ANKDD1B: variants seen among roughly 807,000 people sequenced by gnomAD.
ANKDD1B encodes the protein ankyrin repeat and death domain containing 1B.
In ANKDD1B, 57 loss-of-function variants were observed where a neutral mutation model predicts 59.7. That is an observed-to-expected ratio of 0.95 (90% confidence interval 0.77 to 1.19). The LOEUF (loss-of-function observed/expected upper bound fraction) is 1.19, where lower values mean the gene tolerates loss of function less well. ANKDD1B is among the 50% of genes most tolerant of loss of function. The probability of loss-of-function intolerance (pLI) is 0.00; values close to 1 mark genes in which losing one functional copy is unlikely to be tolerated. For missense variants in ANKDD1B, 602 were observed against 641.9 expected (o/e 0.94, Z 0.67); for synonymous variants, 216 against 239.5 (o/e 0.90, Z 0.91).
intron 7 of ANKDD1B, among the ~76,000 whole-genome samples, chr5:75,642,372 G>C (rs1054932131): frequency 6.6e-6 from 1 of 150,856 alleles, no homozygotes; most frequent in Non-Finnish European, 1.5e-5. Context: ...GACAGTGGGC[G>C]CAGGCCAGTG....
chr5:75,667,824 T>C (rs1775351891), intron 12 of ANKDD1B, among the ~76,000 whole-genome samples: 1 of 152,162 alleles, frequency 6.6e-6, no homozygotes, highest in African/African-American at 2.4e-5. Flanking sequence ...CTATTTGTAT[T>C]AGGGATTGCT....
chr5:75,659,047 A>G (rs1775047515), intron 9 of ANKDD1B, among the ~76,000 whole-genome samples: 1 of 133,780 alleles, frequency 7.5e-6, no homozygotes, highest in African/African-American at 3.0e-5. Context: ...AATAATTTTT[A>G]ATGGTTGCCT....
chr5:75,640,771 G>C (rs1774442766), intron 7 of ANKDD1B, among the ~76,000 whole-genome samples: 1 of 152,104 alleles, frequency 6.6e-6, no homozygotes, highest in Non-Finnish European at 1.5e-5. Flanking sequence ...TGGAAACACT[G>C]GTCCTACATT....
At chr5:75,616,982 T>TAATAAA in intron 2 of ANKDD1B, 75 bp downstream of exon 2, 1 of 641,086 alleles carries the variant, frequency 1.6e-6, no homozygotes, top group Non-Finnish European at 2.6e-6. Flanking sequence ...TCTGAAATAA[T>TAATAAA]AATAAAAATA....
intron 3 of ANKDD1B, among the ~76,000 whole-genome samples, chr5:75,624,535 A>G (rs935694049): frequency 2.4e-4 from 36 of 152,230 alleles, no homozygotes; most frequent in African/African-American, 8.4e-4. Flanking sequence ...TTTCAGTCTC[A>G]CAACTTTATG....
intron 7 of ANKDD1B, among the ~76,000 whole-genome samples, chr5:75,636,284 A>T (rs1581139932): frequency 6.6e-6 from 1 of 152,180 alleles, no homozygotes; most frequent in South Asian, 2.1e-4. Flanking sequence ...GTGATATATT[A>T]TCTGGGTCTT....
At chr5:75,641,876 C>T (rs532920776) in intron 7 of ANKDD1B, among the ~76,000 whole-genome samples, 3 of 152,242 alleles carry the variant, frequency 2.0e-5, no homozygotes, top group African/African-American at 7.2e-5. Context: ...AAGCTAGCTG[C>T]ATGCATTCAG....
chr5:75,637,265 A>AAAAAAAAAGAAAG (rs1774342040), intron 7 of ANKDD1B, among the ~76,000 whole-genome samples: 1 of 147,144 alleles, frequency 6.8e-6, no homozygotes, highest in African/African-American at 2.5e-5. Flanking sequence ...AAAAAAAAAA[A>AAAAAAAAAGAAAG]AAAAAAAAGA....
chr5:75,611,653 G>T lies in ANKDD1B; in HGVS notation c.19G>T (p.Ala7Ser). Residue 7 changes from alanine (A) to serine (S), a missense_variant, in exon 1 of 14, where the codon GCC (alanine) becomes TCC (serine). Ala to Ser is a moderately conservative substitution (Grantham distance 99). Coordinates refer to ENST00000601380, the MANE Select transcript of ANKDD1B (RefSeq NM_001276713.2). ...GGAGACTATGGACCCCGCCGGGCGC[G>T]CCCGGGGCCAAGGGGCCACGGCAGG... MDPAGRARGQGATAGGL... is the reference protein window; with the variant it reads MDPAGRSRGQGATAGGL... 8.1e-7 allele frequency: 1 copy of T among 1,231,414 alleles called. No individual in the cohort carries two copies. The highest frequency in any genetic ancestry group is 1.0e-6 in the Non-Finnish European group (1 of 987,812). 76.3% of individuals were successfully genotyped at this position (1,231,414 alleles called of 1,614,324 possible). A position where few individuals can be genotyped will look rare whatever the true frequency, so the allele number is the denominator to read the frequency against.
chr5:75,655,547 T>G (rs1774950569), intron 8 of ANKDD1B, among the ~76,000 whole-genome samples: 1 of 152,224 alleles, frequency 6.6e-6, no homozygotes, highest in Admixed American at 6.5e-5. Context: ...TAACACTTAC[T>G]TATCCTTCAT....
intron 3 of ANKDD1B, among the ~76,000 whole-genome samples, chr5:75,624,056 C>G (rs1245290539): frequency 6.6e-6 from 1 of 152,208 alleles, no homozygotes; most frequent in Non-Finnish European, 1.5e-5. Flanking sequence ...ATCTAACAAA[C>G]AGTTTCCAGA....
intron 12 of ANKDD1B, among the ~76,000 whole-genome samples, chr5:75,668,475 T>G (rs1005954076): frequency 1.3e-5 from 2 of 152,182 alleles, no homozygotes; most frequent in Admixed American, 6.6e-5. Context: ...TCTGTAAGTA[T>G]GCAGTTCCCT....
intron 5 of ANKDD1B, among the ~76,000 whole-genome samples, chr5:75,634,279 A>G (rs1372836043): frequency 6.6e-6 from 1 of 152,188 alleles, no homozygotes; most frequent in Non-Finnish European, 1.5e-5. Flanking sequence ...AATCAAACCT[A>G]AACATTTCTC....
In ANKDD1B at chr5:75,616,877, AAAG is replaced by A. The variant is rs1306761408; in HGVS notation, c.271_273del (p.Lys91del). 3 of 1,526,946 alleles carry A rather than the reference AAAG, an allele frequency of 2.0e-6. No individual in the cohort carries two copies. The highest frequency in any genetic ancestry group is 3.9e-5 in the Admixed American group (2 of 50,924). The allele number at this position is 1,526,946 out of a possible 1,614,324, so 94.6% of individuals were successfully genotyped here. A position where few individuals can be genotyped will look rare whatever the true frequency, so the allele number is the denominator to read the frequency against. ...TGGATCTTATGGAGAAGCTGTTTGA[AAAG>A]AAGGTTAACATTAATGTTGTGAACA... On this transcript the variant is annotated inframe_deletion, in exon 2 of 14. Transcript: ENST00000601380.
intron 7 of ANKDD1B, among the ~76,000 whole-genome samples, chr5:75,643,299 G>A: frequency 2.0e-5 from 1 of 49,010 alleles, no homozygotes; most frequent in Non-Finnish European, 3.1e-5. Flanking sequence ...AAATTACTCT[G>A]AGCTACGGGA....
chr5:75,668,630 G>A (rs1187473845), intron 12 of ANKDD1B, among the ~76,000 whole-genome samples: 1 of 152,182 alleles, frequency 6.6e-6, no homozygotes. Context: ...AAGTCCTGTT[G>A]GGAACCACAG....
rs1271265830 is a variant in ANKDD1B, at chr5:75,653,150, CAGT to C, written c.811_813del (p.Ser271del). On this transcript the variant is annotated inframe_deletion, in exon 8 of 14. Transcript: ENST00000601380. Reference sequence around the variant, plus strand: ...TCTATTGTCTCTTGCAGCTCAATATCAGTAGTTTGCAGATAGCAACCAGGAACG... The same window carrying C: ...TCTATTGTCTCTTGCAGCTCAATATCAGTTTGCAGATAGCAACCAGGAACG... 8 of 1,535,222 alleles carry C rather than the reference CAGT, an allele frequency of 5.2e-6. No homozygotes were observed. The South Asian group carries it at 9.5e-5, about 18-fold the overall frequency.
intron 5 of ANKDD1B, among the ~76,000 whole-genome samples, chr5:75,630,421 C>T (rs16872665): frequency 0.086 from 13,122 of 152,068 alleles, 998 homozygotes; most frequent in African/African-American, 0.19. Flanking sequence ...TTTTCCTGGA[C>T]GATAACTGTT....
At chr5:75,656,614 T>C (rs944528837) in intron 9 of ANKDD1B, among the ~76,000 whole-genome samples, 9 of 152,314 alleles carry the variant, frequency 5.9e-5, no homozygotes, top group African/African-American at 2.2e-4. Flanking sequence ...CAGAATCAAA[T>C]GACTCGTTAA....
Sources: gnomAD v4.1 joint callset for allele counts (sites outside exome capture counted in the v4.1 genomes callset) on GRCh38, gnomAD v4.1.1 for gene constraint, MANE v1.5 for transcripts, NCBI Gene and HGNC (gene_info 2026-07-23, HGNC 2026-07-21) for gene names.